The following FSTL5 variants were observed in gnomAD, a reference collection of about 807,000 sequenced individuals.
FSTL5 encodes the protein follistatin like 5.
Under a neutral mutation model 89.1 loss-of-function variants are expected in FSTL5, and 62 were observed. That is an observed-to-expected ratio of 0.70 (90% confidence interval 0.57 to 0.86). The LOEUF is 0.86. FSTL5 is among the 40% of genes least tolerant of loss of function. The pLI is 0.00. For synonymous variants in FSTL5, 383 were observed against 346.2 expected (o/e 1.11, Z -1.18); for missense variants, 1,057 against 1,001.6 (o/e 1.06, Z -0.75).
chr4:162,042,642 A>T (rs1291357115), intron 2 of FSTL5, among the ~76,000 whole-genome samples: 1 of 152,096 alleles, frequency 6.6e-6, no homozygotes, highest in Non-Finnish European at 1.5e-5. Flanking sequence ...ATATACTTTT[A>T]AAAAACCTAT....
chr4:161,635,675 A>G (rs1735662311), intron 7 of FSTL5, among the ~76,000 whole-genome samples: 1 of 152,174 alleles, frequency 6.6e-6, no homozygotes, highest in South Asian at 2.1e-4. Flanking sequence ...TAAGTAAAAG[A>G]GGGATGGCTA....
At chr4:161,743,733 T>A (rs1205815216) in intron 6 of FSTL5, among the ~76,000 whole-genome samples, 1 of 152,090 alleles carries the variant, frequency 6.6e-6, no homozygotes, top group Non-Finnish European at 1.5e-5. Context: ...AAATAAAAAA[T>A]TGGCATAGAT....
intron 2 of FSTL5, among the ~76,000 whole-genome samples, chr4:162,044,075 G>A (rs1176845653): frequency 6.6e-6 from 1 of 152,130 alleles, no homozygotes; most frequent in Non-Finnish European, 1.5e-5. Context: ...TGTTCTTAAT[G>A]AGATCTGGAA....
intron 6 of FSTL5, among the ~76,000 whole-genome samples, chr4:161,729,206 G>C (rs1387818473): frequency 6.6e-6 from 1 of 152,196 alleles, no homozygotes; most frequent in African/African-American, 2.4e-5. Context: ...CTTTTTTAGA[G>C]AGTGTGGCCA....
intron 15 of FSTL5, among the ~76,000 whole-genome samples, chr4:161,434,019 C>T (rs2126347975): frequency 6.6e-6 from 1 of 152,108 alleles, no homozygotes; most frequent in Admixed American, 6.5e-5. Flanking sequence ...ATTAAAATAC[C>T]AATGACATTC....
intron 11 of FSTL5, among the ~76,000 whole-genome samples, chr4:161,508,717 G>A (rs1730561559): frequency 6.6e-6 from 1 of 151,834 alleles, no homozygotes; most frequent in Admixed American, 6.6e-5. Flanking sequence ...TGTTCACGGT[G>A]GTTACCAAAG....
At chr4:161,882,373 C>A (rs759938700) in intron 4 of FSTL5, among the ~76,000 whole-genome samples, 12 of 152,006 alleles carry the variant, frequency 7.9e-5, no homozygotes, top group Non-Finnish European at 1.3e-4. Flanking sequence ...AACTAATTCC[C>A]GACACAGCAG....
intron 6 of FSTL5, among the ~76,000 whole-genome samples, chr4:161,733,970 T>C (rs950385559): frequency 2.0e-5 from 3 of 151,986 alleles, no homozygotes; most frequent in African/African-American, 4.8e-5. Context: ...AAAGTAGATA[T>C]ACAGAATTTT....
intron 8 of FSTL5, among the ~76,000 whole-genome samples, chr4:161,560,693 G>C (rs1281842425): frequency 6.6e-6 from 1 of 151,728 alleles, no homozygotes; most frequent in Non-Finnish European, 1.5e-5. Context: ...TGTAGGTCCT[G>C]TCTTTATCTA....
chr4:161,837,359 A>T (rs1390081758), intron 4 of FSTL5, among the ~76,000 whole-genome samples: 1 of 152,158 alleles, frequency 6.6e-6, no homozygotes, highest in Non-Finnish European at 1.5e-5. Context: ...TAGACAATTT[A>T]AAGATACATG....
At chr4:161,838,449 A>C (rs1731115245) in intron 4 of FSTL5, among the ~76,000 whole-genome samples, 2 of 151,644 alleles carry the variant, frequency 1.3e-5, no homozygotes, top group African/African-American at 4.8e-5. Flanking sequence ...CGCCCGGCTA[A>C]TTTTTTTTGT....
chr4:161,699,745 TG>T (rs1230620802), intron 6 of FSTL5, among the ~76,000 whole-genome samples: 4 of 152,202 alleles, frequency 2.6e-5, no homozygotes, highest in African/African-American at 9.6e-5. Context: ...AGCATTCCCA[TG>T]GTGTTACCAC....
At chr4:161,398,301 T>A (rs1040113114) in intron 15 of FSTL5, among the ~76,000 whole-genome samples, 1 of 152,052 alleles carries the variant, frequency 6.6e-6, no homozygotes, top group Non-Finnish European at 1.5e-5. Context: ...TTCCACCAAA[T>A]GAAATTCCAC....
chr4:161,788,915 A>T (rs1037118719), intron 4 of FSTL5, among the ~76,000 whole-genome samples: 2 of 152,114 alleles, frequency 1.3e-5, no homozygotes, highest in Non-Finnish European at 2.9e-5. Flanking sequence ...AACAAAAATA[A>T]AAACAAAAAC....
intron 4 of FSTL5, among the ~76,000 whole-genome samples, chr4:161,892,058 T>C (rs1391518739): frequency 1.3e-5 from 2 of 152,020 alleles, no homozygotes; most frequent in African/African-American, 4.8e-5. Flanking sequence ...ATATTAGCTA[T>C]TCATGTTTAT....
chr4:161,836,169 T>C (rs1261532935), intron 4 of FSTL5, among the ~76,000 whole-genome samples: 1 of 151,380 alleles, frequency 6.6e-6, no homozygotes. Flanking sequence ...ATGGATGAAA[T>C]TGGAAATCAT....
chr4:161,716,566 C>T (rs1175549385), intron 6 of FSTL5, among the ~76,000 whole-genome samples: 1 of 152,058 alleles, frequency 6.6e-6, no homozygotes. Context: ...CACTGCACTC[C>T]AGCCTGGGCA....
At chr4:161,912,265 C>A (rs967914584) in intron 4 of FSTL5, among the ~76,000 whole-genome samples, 1 of 152,102 alleles carries the variant, frequency 6.6e-6, no homozygotes, top group Non-Finnish European at 1.5e-5. Context: ...CAAGAGGATA[C>A]TGAGAAAATG....
chr4:161,836,133 G>A (rs1731031018), intron 4 of FSTL5, among the ~76,000 whole-genome samples: 1 of 151,968 alleles, frequency 6.6e-6, no homozygotes, highest in Admixed American at 6.6e-5. Context: ...CATAAAAAAT[G>A]ATGAGCTCAT....
Sources: gnomAD v4.1 joint callset for allele counts (sites outside exome capture counted in the v4.1 genomes callset) on GRCh38, gnomAD v4.1.1 for gene constraint, MANE v1.5 for transcripts, NCBI Gene and HGNC (gene_info 2026-07-23, HGNC 2026-07-21) for gene names.